Variants in TMPRSS11A observed in about 807,000 individuals in gnomAD.
The protein encoded by TMPRSS11A is transmembrane protease serine 11A.
A neutral mutation model predicts 58.9 loss-of-function variants in TMPRSS11A; 53 were observed. That is an observed-to-expected ratio of 0.90 (90% CI 0.72 to 1.13). TMPRSS11A has a LOEUF of 1.13. Ranked by LOEUF, TMPRSS11A falls within the 50% of genes most tolerant of loss-of-function variation. The pLI is 0.00. For synonymous variants in TMPRSS11A, 167 were observed against 169.8 expected (o/e 0.98, Z 0.13); for missense variants, 493 against 499.3 (o/e 0.99, Z 0.12).
At chr4:67,915,733 C>A (rs563080042) in intron 8 of TMPRSS11A, among the ~76,000 whole-genome samples, 105 of 152,242 alleles carry the variant, frequency 6.9e-4, no homozygotes, top group African/African-American at 2.4e-3. Flanking sequence ...ATTCTGCCAG[C>A]AAACCTTGAG....
At chr4:67,946,935 G>A (rs1477111780) in intron 1 of TMPRSS11A, among the ~76,000 whole-genome samples, 3 of 152,072 alleles carry the variant, frequency 2.0e-5, no homozygotes, top group South Asian at 2.1e-4. Context: ...TTTACAAAGT[G>A]ATTTTAAATC....
chr4:67,937,105 A>C (rs1720772465), intron 3 of TMPRSS11A, among the ~76,000 whole-genome samples: 1 of 152,218 alleles, frequency 6.6e-6, no homozygotes, highest in Non-Finnish European at 1.5e-5. Context: ...CTGAATGATG[A>C]TGATAAACTA....
chr4:67,909,484 T>A lies in TMPRSS11A; in HGVS notation c.*1858A>T, dbSNP rs1719911833. 1 of 152,146 alleles carries A rather than the reference T, an allele frequency of 6.6e-6. No individual in the cohort carries two copies. The highest frequency in any genetic ancestry group is 2.1e-4 in the South Asian group (1 of 4,834). The allele number at this position is 152,146 out of a possible 1,614,324, so 9.4% of individuals were successfully genotyped here. A position where few individuals can be genotyped will look rare whatever the true frequency, so the allele number is the denominator to read the frequency against. Reference sequence around the variant, plus strand: ...AAATGAAATGCTGCACCAAATAGTTTAAAAATACAAAGTTCATAATTCTAA... The same window carrying A: ...AAATGAAATGCTGCACCAAATAGTTAAAAAATACAAAGTTCATAATTCTAA... On this transcript the variant is annotated 3_prime_UTR_variant, in exon 10 of 10. Coordinates refer to ENST00000508048, the MANE Select transcript of TMPRSS11A (RefSeq NM_001114387.2).
chr4:67,943,147 T>C lies in TMPRSS11A; in HGVS notation c.252+1372A>G, dbSNP rs926725508. Among the ~76,000 whole-genome samples, 10 of 152,262 alleles carry C rather than the reference T, an allele frequency of 6.6e-5. 1 individual carries two copies. Among genetic ancestry groups the C allele is most frequent in the Admixed American group, 3.9e-4 (6 of 15,286 alleles). On this transcript the variant is annotated intron_variant, in intron 3 of 9. Transcript: ENST00000508048. Reference sequence around the variant, plus strand: ...GATGATAATGTGTCCTTACTTAACTTAGCCTTAGCCTTTGAAGGAACACAT... The same window carrying C: ...GATGATAATGTGTCCTTACTTAACTCAGCCTTAGCCTTTGAAGGAACACAT...
In TMPRSS11A at chr4:67,914,142, A is replaced by G. The variant is rs28713721; in HGVS notation, c.1095+446T>C. Among the ~76,000 whole-genome samples the G allele has an allele frequency of 4.0e-3, 611 of 152,234 alleles. 6 individuals carry two copies. Among genetic ancestry groups the G allele is most frequent in the African/African-American group, 0.014 (574 of 41,552 alleles). On this transcript the variant is annotated intron_variant, in intron 9 of 9. Transcript: ENST00000508048. ...CTATGCTTTTTGTCTTTTCTATAAC[A>G]TTATTTTCTTATTCTGAAATTGGAT...
chr4:67,932,885 A>T (rs1720664318), intron 3 of TMPRSS11A, among the ~76,000 whole-genome samples: 2 of 152,130 alleles, frequency 1.3e-5, no homozygotes, highest in Admixed American at 1.3e-4. Context: ...CTTTTAGTCC[A>T]TATGCACAGC....
At chr4:67,961,732 C>T (rs112423999) in intron 1 of TMPRSS11A, among the ~76,000 whole-genome samples, 17,587 of 151,684 alleles carry the variant, frequency 0.12, 3,238 homozygotes, top group African/African-American at 0.39. Flanking sequence ...AGGCTGGTCT[C>T]TAACTCCTAG....
At chr4:67,956,885 T>C (rs540009469) in intron 1 of TMPRSS11A, among the ~76,000 whole-genome samples, 1 of 152,284 alleles carries the variant, frequency 6.6e-6, no homozygotes, top group Non-Finnish European at 1.5e-5. Context: ...ACAATTCCCA[T>C]ATGTTGTGTT....
At position 67,916,720 on chromosome 4, in the gene TMPRSS11A, G is replaced by C. The variant is rs143251015; in HGVS notation, c.953-1990C>G. Among the ~76,000 whole-genome samples, 398 of 152,176 alleles carry C rather than the reference G, an allele frequency of 2.6e-3. 2 individuals carry two copies. The highest frequency in any genetic ancestry group is 9.0e-3 in the African/African-American group (372 of 41,504). On this transcript the variant is annotated intron_variant, in intron 8 of 9. Coordinates refer to ENST00000508048, the MANE Select transcript of TMPRSS11A (RefSeq NM_001114387.2). Reference sequence around the variant, plus strand: ...TGGGCGCCTGCAGTCCCAGCTACTCGGGAGGCTGAGGCAGGAGAATGGCGT... The same window carrying C: ...TGGGCGCCTGCAGTCCCAGCTACTCCGGAGGCTGAGGCAGGAGAATGGCGT...
chr4:67,916,869 G>T (rs1451503334), intron 8 of TMPRSS11A, among the ~76,000 whole-genome samples: 1 of 151,930 alleles, frequency 6.6e-6, no homozygotes, highest in Non-Finnish European at 1.5e-5. Context: ...ATAATGGTGA[G>T]AAGAGTAAGG....
Position 67,932,073 on chromosome 4 carries a change from A to G in TMPRSS11A, c.253-13T>C. On this transcript the variant is annotated splice_polypyrimidine_tract_variant and intron_variant, in intron 3 of 9. Transcript: ENST00000508048. ...ATATCTCATCCACCTGTTACACAAC[A>G]AGAGAGAAACTATGTGTTAATAATA... The G allele has an allele frequency of 2.1e-6, 3 of 1,452,762 alleles. No homozygotes were observed. Among genetic ancestry groups the G allele is most frequent in the Non-Finnish European group, 2.9e-6 (3 of 1,035,340 alleles). 90.0% of individuals were successfully genotyped at this position (1,452,762 alleles called of 1,614,324 possible). A position where few individuals can be genotyped will look rare whatever the true frequency, so the allele number is the denominator to read the frequency against.
At chr4:67,932,273 C>T (rs149301743) in intron 3 of TMPRSS11A, among the ~76,000 whole-genome samples, 15 of 152,184 alleles carry the variant, frequency 9.9e-5, no homozygotes, top group South Asian at 2.1e-4. Context: ...ATTTTGGTTT[C>T]GATTGGTCTA....
chr4:67,946,455 A>C lies in TMPRSS11A; in HGVS notation c.128T>G (p.Val43Gly), dbSNP rs1333711843. 2.6e-5 allele frequency: 42 copies of C among 1,600,248 alleles called. No homozygotes were observed. The highest frequency in any genetic ancestry group is 3.6e-5 in the Non-Finnish European group (42 of 1,174,326). ...AAATCTTTAATTTTACCTACCAAATACTAGGAAGTGAACCAGGAGACCTAT... is the reference window on the plus strand; with the variant it reads ...AAATCTTTAATTTTACCTACCAAATCCTAGGAAGTGAACCAGGAGACCTAT... The part of the protein sequence containing the change: ...VTIGLLVHFL[V>G]FDQKKEYYHG... The change falls in exon 2 of 10, where the codon GTA becomes GGA. Residue 43 changes from valine (V) to glycine (G), a missense_variant. Transcript: ENST00000508048.
In TMPRSS11A at chr4:67,911,504, C is replaced by T. The variant is rs1719980214; in HGVS notation, c.1096-1G>A. ...TGACTAAAGGTCCCCCAGAATCACC[C>T]TAAAAATAAAAACATAAGAAAAAAG... On this transcript the variant is annotated splice_acceptor_variant, in intron 9 of 9. Coordinates refer to ENST00000508048, the MANE Select transcript of TMPRSS11A (RefSeq NM_001114387.2). LOFTEE classifies it high-confidence loss of function. The T allele has an allele frequency of 2.5e-6, 4 of 1,596,970 alleles. No individual in the cohort carries two copies. Among genetic ancestry groups the T allele is most frequent in the Non-Finnish European group, 3.4e-6 (4 of 1,174,608 alleles).
At chr4:67,922,479 G>T (rs888307069) in intron 7 of TMPRSS11A, among the ~76,000 whole-genome samples, 2 of 152,148 alleles carry the variant, frequency 1.3e-5, no homozygotes, top group Admixed American at 6.6e-5. Flanking sequence ...AATATTTTGT[G>T]TTAGGATGTC....
intron 7 of TMPRSS11A, among the ~76,000 whole-genome samples, chr4:67,921,132 T>C (rs1179314947): frequency 2.0e-5 from 3 of 152,144 alleles, no homozygotes; most frequent in African/African-American, 7.2e-5. Context: ...TAATAGAGTA[T>C]AGATTTGGTG....
rs117235323 is a variant in TMPRSS11A, at chr4:67,912,821, C to A, written c.1096-1318G>T. ...TTTATTGTGCCCAGCACTACTTGGA[C>A]CTTTTCTTCAATAGGATGCATGTAA... is the stretch of plus-strand genomic sequence containing the variant. On this transcript the variant is annotated intron_variant, in intron 9 of 9. Coordinates refer to ENST00000508048, the MANE Select transcript of TMPRSS11A (RefSeq NM_001114387.2). 3.4e-4 allele frequency among the ~76,000 whole-genome samples: 52 copies of A among 152,224 alleles called. No homozygotes were observed. The East Asian group carries it at 9.1e-3, about 27-fold the overall frequency.
chr4:67,920,547 A>AT (rs1252687414), intron 7 of TMPRSS11A, among the ~76,000 whole-genome samples: 106 of 80,094 alleles, frequency 1.3e-3, no homozygotes, highest in African/African-American at 2.4e-3. Context: ...ATATATATAT[A>AT]TATTTTTTTT....
intron 3 of TMPRSS11A, among the ~76,000 whole-genome samples, chr4:67,934,232 C>T (rs1720698663): frequency 6.6e-6 from 1 of 152,058 alleles, no homozygotes; most frequent in African/African-American, 2.4e-5. Context: ...AGAAATGGGG[C>T]AGAGGGACTG....
Sources: allele counts gnomAD v4.1 joint callset (sites outside exome capture counted in the v4.1 genomes callset), GRCh38; gene constraint gnomAD v4.1.1; transcripts MANE v1.5; gene names NCBI Gene and HGNC (gene_info 2026-07-23, HGNC 2026-07-21).